HEMK2: variants seen among roughly 807,000 people sequenced by gnomAD.
HEMK2 encodes the protein methyltransferase HEMK2.
At chr21:28,708,773 C>CTA in the HEMK2 span, among the ~76,000 whole-genome samples, 1 of 152,068 alleles carries the variant, frequency 6.6e-6, no homozygotes, top group Non-Finnish European at 1.5e-5. Context: ...ACTGTGACCT[C>CTA]TATAAAGGCA....
the HEMK2 span, among the ~76,000 whole-genome samples, chr21:28,744,575 A>T: frequency 6.6e-6 from 1 of 152,188 alleles, no homozygotes; most frequent in African/African-American, 2.4e-5. Flanking sequence ...CATAGTAGCA[A>T]AGGATTTTTG....
chr21:28,725,111 C>T, the HEMK2 span, among the ~76,000 whole-genome samples: 1 of 152,140 alleles, frequency 6.6e-6, no homozygotes, highest in Admixed American at 6.5e-5. Context: ...TCTCTATGTA[C>T]ACTCAGTACA....
At chr21:28,674,212 C>G in the HEMK2 span, among the ~76,000 whole-genome samples, 1 of 152,182 alleles carries the variant, frequency 6.6e-6, no homozygotes, top group South Asian at 2.1e-4. Flanking sequence ...GAAGTTACCC[C>G]ATATGGTCTA....
the HEMK2 span, among the ~76,000 whole-genome samples, chr21:28,693,714 C>T: frequency 1.3e-5 from 2 of 152,140 alleles, no homozygotes; most frequent in Non-Finnish European, 2.9e-5. Context: ...AGACAGTGAG[C>T]CCTCATCATT....
chr21:28,693,324 G>A, the HEMK2 span, among the ~76,000 whole-genome samples: 17 of 152,238 alleles, frequency 1.1e-4, no homozygotes, highest in Admixed American at 2.6e-4. Context: ...GCATAGAAGC[G>A]TGCACCATTT....
chr21:28,786,387 T>C, the HEMK2 span, among the ~76,000 whole-genome samples: 1 of 152,226 alleles, frequency 6.6e-6, no homozygotes, highest in Non-Finnish European at 1.5e-5. Flanking sequence ...TTGTAATTCT[T>C]GGGCCAGGTG....
chr21:28,643,547 A>G, the HEMK2 span, among the ~76,000 whole-genome samples: 1 of 152,124 alleles, frequency 6.6e-6, no homozygotes, highest in East Asian at 1.9e-4. Context: ...AGGCAAGGTC[A>G]TGCACACCTG....
chr21:28,874,633 C>A, the HEMK2 span: 2 of 152,238 alleles, frequency 1.3e-5, no homozygotes, highest in Non-Finnish European at 2.9e-5. Context: ...CTACTAGTAT[C>A]CACAGAACAG....
At chr21:28,813,409 T>C in the HEMK2 span, among the ~76,000 whole-genome samples, 1 of 151,844 alleles carries the variant, frequency 6.6e-6, no homozygotes, top group Admixed American at 6.6e-5. Context: ...TGTGAACCAA[T>C]GCTCAAGGAA....
chr21:28,876,283 G>T, the HEMK2 span: 2 of 757,306 alleles, frequency 2.6e-6, no homozygotes, highest in South Asian at 2.6e-5. Context: ...TTTTTTTAAT[G>T]ACAAATTTCT....
At chr21:28,863,428 A>T in the HEMK2 span, among the ~76,000 whole-genome samples, 31 of 38,026 alleles carry the variant, frequency 8.2e-4, no homozygotes, top group South Asian at 1.0e-3. Context: ...ATATATATAT[A>T]TATATATATA....
the HEMK2 span, among the ~76,000 whole-genome samples, chr21:28,819,282 T>C: frequency 2.0e-5 from 3 of 147,656 alleles, no homozygotes; most frequent in African/African-American, 7.9e-5. Context: ...ACCATGCAGT[T>C]TATTAGCTCA....
the HEMK2 span, among the ~76,000 whole-genome samples, chr21:28,779,831 G>A: frequency 1.4e-4 from 21 of 151,992 alleles, no homozygotes; most frequent in Admixed American, 7.2e-4. Context: ...TTAGCTCCTG[G>A]CCTCCTCTTT....
the HEMK2 span, among the ~76,000 whole-genome samples, chr21:28,780,717 A>G: frequency 5.3e-5 from 8 of 152,234 alleles, no homozygotes; most frequent in African/African-American, 1.9e-4. Flanking sequence ...CTATGAAATA[A>G]AGTTGTTCAA....
chr21:28,877,302 G>GGAAGGAAGGAAGGAAGGAAGAT, the HEMK2 span, among the ~76,000 whole-genome samples: 1 of 43,914 alleles, frequency 2.3e-5, no homozygotes, highest in Non-Finnish European at 6.5e-5. Context: ...GGAAGGAAGA[G>GGAAGGAAGGAAGGAAGGAAGAT]AGAGAGAAAG....
chr21:28,750,064 T>A, the HEMK2 span, among the ~76,000 whole-genome samples: 2 of 152,208 alleles, frequency 1.3e-5, no homozygotes, highest in African/African-American at 4.8e-5. Context: ...AGTTTAGGAC[T>A]AATAGCTGAG....
the HEMK2 span, among the ~76,000 whole-genome samples, chr21:28,676,049 G>C: frequency 6.6e-6 from 1 of 152,210 alleles, no homozygotes; most frequent in Non-Finnish European, 1.5e-5. Flanking sequence ...TTCGGAGTCA[G>C]AGCCAAAGCT....
At chr21:28,699,964 A>G in the HEMK2 span, among the ~76,000 whole-genome samples, 3 of 152,232 alleles carry the variant, frequency 2.0e-5, no homozygotes, top group Admixed American at 2.0e-4. Flanking sequence ...ATACAGTTTA[A>G]TAAATTTATA....
the HEMK2 span, among the ~76,000 whole-genome samples, chr21:28,624,839 T>A: frequency 2.6e-5 from 4 of 152,310 alleles, no homozygotes; most frequent in African/African-American, 9.6e-5. Flanking sequence ...CTCATGATTC[T>A]GAGCAACTAC....
Sources: gnomAD v4.1 joint callset for allele counts (sites outside exome capture counted in the v4.1 genomes callset) on GRCh38, gnomAD v4.1.1 for gene constraint, MANE v1.5 for transcripts, NCBI Gene and HGNC (gene_info 2026-07-23, HGNC 2026-07-21) for gene names.